ABITRAM: variants seen among roughly 807,000 people sequenced by gnomAD.
ABITRAM encodes actin binding transcription modulator, also known as protein Abitram.
ABITRAM carries 19 observed loss-of-function variants against 22.9 expected under a neutral mutation model. That is an observed-to-expected ratio of 0.83 (90% CI 0.58 to 1.22). The LOEUF (loss-of-function observed/expected upper bound fraction) is 1.22. ABITRAM is among the 50% of genes most tolerant of loss of function. The pLI, the probability that ABITRAM is intolerant of heterozygous loss-of-function variation, is 0.00. For missense variants in ABITRAM, 215 were observed against 220.2 expected, an observed-to-expected ratio of 0.98 and a Z score of 0.15; for synonymous variants, 70 against 73.9, an observed-to-expected ratio of 0.95 and a Z score of 0.27.
Position 108,940,063 on chromosome 9 carries a change from T to C in ABITRAM, c.*377T>C, listed in dbSNP as rs1284661961. 5.6e-6 allele frequency: 1 copy of C among 177,888 alleles called. No homozygotes were observed. The highest frequency in any genetic ancestry group is 1.2e-5 in the Non-Finnish European group (1 of 84,622). 11.0% of individuals were successfully genotyped at this position (177,888 alleles called of 1,614,324 possible). ...CATCATCCCATAATCCAGAAGTAAATACATTTGACCCTTGAGCAACATAGG... is the reference window on the plus strand; with the variant it reads ...CATCATCCCATAATCCAGAAGTAAACACATTTGACCCTTGAGCAACATAGG... On this transcript the variant is annotated 3_prime_UTR_variant, in exon 6 of 6. Coordinates refer to ENST00000322940, the MANE Select transcript of ABITRAM (RefSeq NM_017832.4).
Position 108,939,702 on chromosome 9 carries a change from A to G in ABITRAM, c.*16A>G. ...TACGTCATGAGGATTGACATGGAAC[A>G]AAAAGCAAAGTGGGATTCTTGTTAC... is the stretch of plus-strand genomic sequence containing the variant. On this transcript the variant is annotated 3_prime_UTR_variant, in exon 6 of 6. Transcript: ENST00000322940. The G allele has an allele frequency of 1.2e-6, 2 of 1,612,376 alleles. No homozygotes were observed. Among genetic ancestry groups the G allele is most frequent in the South Asian group, 2.2e-5 (2 of 90,774 alleles).
exon 4 of ABITRAM, chr9:108,950,595 C>A (rs1428870993): frequency 2.6e-6 from 4 of 1,550,104 alleles, no homozygotes; most frequent in Non-Finnish European, 3.5e-6. Flanking sequence ...CACTCTTAAT[C>A]CTCCTTCTAT....
chr9:108,947,051 A>C (rs778965536), intron 3 of ABITRAM, among the ~76,000 whole-genome samples: 13 of 152,206 alleles, frequency 8.5e-5, no homozygotes, highest in Admixed American at 2.0e-4. Context: ...TCTTAAGCTG[A>C]AATCCCTTTC....
At chr9:108,942,533 T>A (rs146597740), downstream of ABITRAM, 143 of 525,984 alleles carry the variant, frequency 2.7e-4, no homozygotes, top group African/African-American at 2.3e-3. Flanking sequence ...TTAAAGAACA[T>A]TAGTGCAATG....
At position 108,939,744 on chromosome 9, in the gene ABITRAM, G is replaced by A; in HGVS notation, c.*58G>A. On this transcript the variant is annotated 3_prime_UTR_variant, in exon 6 of 6. Transcript: ENST00000322940. Reference sequence around the variant, plus strand: ...TCTTGTTACCTGGCCTAAACCATCAGGGTACTAAAGGAGAAGAACCAGTAT... The same window carrying A: ...TCTTGTTACCTGGCCTAAACCATCAAGGTACTAAAGGAGAAGAACCAGTAT... 1.3e-6 allele frequency: 2 copies of A among 1,589,080 alleles called. No homozygotes were observed. Among genetic ancestry groups the A allele is most frequent in the South Asian group, 2.3e-5 (2 of 87,178 alleles).
chr9:108,945,821 G>A (rs182960491), downstream of ABITRAM, among the ~76,000 whole-genome samples: 196 of 152,190 alleles, frequency 1.3e-3, no homozygotes, highest in Admixed American at 2.2e-3. Flanking sequence ...GGTTGAATCT[G>A]CAGATGCAAA....
At chr9:108,950,739 A>AC in exon 4 of ABITRAM, 1 of 1,059,916 alleles carries the variant, frequency 9.4e-7, no homozygotes, top group Non-Finnish European at 1.3e-6. Flanking sequence ...GAACACATTA[A>AC]CCCTTTCTTT....
At chr9:108,946,315 A>G (rs1199918662) in intron 3 of ABITRAM, among the ~76,000 whole-genome samples, 1 of 149,810 alleles carries the variant, frequency 6.7e-6, no homozygotes, top group African/African-American at 2.5e-5. Context: ...AAAAAAAAAA[A>G]GTCCTTCCCA....
rs1830227825 is a variant in ABITRAM at position 108,939,273 on chromosome 9, G to A, written c.338+1G>A. The A allele has an allele frequency of 6.2e-7, 1 of 1,610,686 alleles. No individual in the cohort carries two copies. Among genetic ancestry groups the A allele is most frequent in the African/African-American group, 1.3e-5 (1 of 74,642 alleles). ...ATGGTGAAGAATATACTGTGTCTAG[G>A]TGAGTAACTTTTTAGCCACCATTTA... On this transcript the variant is annotated splice_donor_variant, in intron 4 of 5. Transcript: ENST00000322940. LOFTEE classifies it high-confidence loss of function.
chr9:108,945,900 T>C (rs1411420816), downstream of ABITRAM, among the ~76,000 whole-genome samples: 2 of 152,172 alleles, frequency 1.3e-5, no homozygotes, highest in Non-Finnish European at 2.9e-5. Flanking sequence ...CAAAACAAAA[T>C]GCTCGATTTC....
At chr9:108,934,620 A>G in intron 1 of ABITRAM, 55 bp downstream of exon 1, 1 of 1,510,204 alleles carries the variant, frequency 6.6e-7, no homozygotes, top group Non-Finnish European at 9.0e-7. Context: ...AATGCTGTGT[A>G]GACTATGTTG....
intron 1 of ABITRAM, 94 bp downstream of exon 1, chr9:108,934,659 T>G: frequency 8.2e-7 from 1 of 1,212,966 alleles, no homozygotes; most frequent in Non-Finnish European, 1.2e-6. Flanking sequence ...GCGCTCTCCC[T>G]GGCTCTCCGT....
At chr9:108,936,541 T>A in intron 3 of ABITRAM, 104 bp downstream of exon 3, 1 of 1,288,344 alleles carries the variant, frequency 7.8e-7, no homozygotes, top group Non-Finnish European at 1.1e-6. Flanking sequence ...TTAGCATACT[T>A]CTCTAGCAGT....
downstream of ABITRAM, among the ~76,000 whole-genome samples, chr9:108,941,736 C>CTGTT (rs932919189): frequency 2.0e-4 from 30 of 152,142 alleles, no homozygotes; most frequent in Non-Finnish European, 1.5e-5. Context: ...CTGACATACC[C>CTGTT]TGTTAGATTT....
intron 3 of ABITRAM, chr9:108,950,443 G>A: frequency 6.6e-7 from 1 of 1,515,038 alleles, no homozygotes; most frequent in Non-Finnish European, 8.9e-7. Context: ...ATAAGGTACT[G>A]ACAAATGACA....
At chr9:108,937,837 A>AT (rs397688246) in intron 3 of ABITRAM, among the ~76,000 whole-genome samples, 29 of 150,672 alleles carry the variant, frequency 1.9e-4, no homozygotes, top group South Asian at 6.4e-4. Context: ...AAAAAAAAAA[A>AT]TTTTTTTTTA....
At chr9:108,938,230 A>C (rs12344358) in intron 3 of ABITRAM, among the ~76,000 whole-genome samples, 2,145 of 152,318 alleles carry the variant, frequency 0.014, 43 homozygotes, top group African/African-American at 0.049. Context: ...GCAGAAAGTC[A>C]CAATGACTCT....
chr9:108,945,637 T>TG (rs1564118793), downstream of ABITRAM, among the ~76,000 whole-genome samples: 761 of 148,450 alleles, frequency 5.1e-3, 10 homozygotes, highest in African/African-American at 0.018. Flanking sequence ...AGTTTTTTTT[T>TG]TTTTTGTTTT....
downstream of ABITRAM, among the ~76,000 whole-genome samples, chr9:108,944,618 A>C (rs373067084): frequency 1.8e-4 from 27 of 152,332 alleles, no homozygotes; most frequent in East Asian, 4.8e-3. Context: ...TGTACAGGTA[A>C]GACAGAAGTA....
Sources: allele counts gnomAD v4.1 joint callset (sites outside exome capture counted in the v4.1 genomes callset), GRCh38; gene constraint gnomAD v4.1.1; transcripts MANE v1.5; gene names NCBI Gene and HGNC (gene_info 2026-07-23, HGNC 2026-07-21).